The following AGMO variants were observed in gnomAD, a reference collection of about 807,000 sequenced individuals.
AGMO encodes alkylglycerol monooxygenase, also known as glyceryl-ether monooxygenase.
Under a neutral mutation model 60.2 loss-of-function variants are expected in AGMO, and 75 were observed. That is an observed-to-expected ratio of 1.25 (90% CI 1.03 to 1.51). The LOEUF (loss-of-function observed/expected upper bound fraction) is 1.51. Ranked by LOEUF, AGMO falls within the 40% of genes most tolerant of loss-of-function variation. The probability of loss-of-function intolerance (pLI) is 0.00; values close to 1 mark genes in which losing one functional copy is unlikely to be tolerated. For missense variants in AGMO, 763 were observed against 525.5 expected (o/e 1.45, Z -4.42); for synonymous variants, 261 against 177.1 (o/e 1.47, Z -3.76).
chr7:15,241,175 G>A (rs1215834808), intron 12 of AGMO, among the ~76,000 whole-genome samples: 4 of 151,904 alleles, frequency 2.6e-5, no homozygotes, highest in Non-Finnish European at 5.9e-5. Context: ...TATCACTCAA[G>A]TAAAGACTAG....
intron 12 of AGMO, among the ~76,000 whole-genome samples, chr7:15,247,643 A>T (rs1270926433): frequency 2.0e-5 from 3 of 152,158 alleles, no homozygotes; most frequent in Non-Finnish European, 4.4e-5. Context: ...GTTTACAAAA[A>T]TAACAAAAAA....
intron 12 of AGMO, among the ~76,000 whole-genome samples, chr7:15,322,860 A>G (rs1480937988): frequency 1.4e-5 from 2 of 145,970 alleles, no homozygotes; most frequent in East Asian, 2.0e-4. Context: ...AATGTGACAC[A>G]TAACACAAAA....
the AGMO span, among the ~76,000 whole-genome samples, chr7:15,182,406 ACT>A: frequency 2.2e-3 from 330 of 152,102 alleles, no homozygotes; most frequent in African/African-American, 7.3e-3. Flanking sequence ...TCAATAATAC[ACT>A]GTTTTTATTT....
In AGMO at chr7:15,560,025, A is replaced by T. The variant is rs545258715; in HGVS notation, c.257+116T>A. ...AATTTTAAATAATGACATGAACTGAATTTTTTGGGAAAATTTGTGTAAATA... is the reference window on the plus strand; with the variant it reads ...AATTTTAAATAATGACATGAACTGATTTTTTTGGGAAAATTTGTGTAAATA... On this transcript the variant is annotated intron_variant, in intron 2 of 12. Transcript: ENST00000342526. 1.4e-5 allele frequency: 15 copies of T among 1,076,678 alleles called. No individual in the cohort carries two copies. The East Asian group carries it at 4.1e-4, about 29-fold the overall frequency. The allele number at this position is 1,076,678 out of a possible 1,614,324, so 66.7% of individuals were successfully genotyped here.
intron 3 of AGMO, among the ~76,000 whole-genome samples, chr7:15,510,912 TA>T (rs1156617092): frequency 6.7e-6 from 1 of 148,346 alleles, no homozygotes; most frequent in African/African-American, 2.4e-5. Context: ...TATATATGTA[TA>T]AATATATAAT....
the AGMO span, among the ~76,000 whole-genome samples, chr7:15,189,680 T>A: frequency 6.6e-6 from 1 of 152,194 alleles, no homozygotes; most frequent in Non-Finnish European, 1.5e-5. Flanking sequence ...AAGTTGTATA[T>A]TGAATTTCAG....
intron 12 of AGMO, among the ~76,000 whole-genome samples, chr7:15,273,877 T>A (rs1783695413): frequency 6.6e-6 from 1 of 152,214 alleles, no homozygotes; most frequent in East Asian, 1.9e-4. Flanking sequence ...TTGTTCTCTT[T>A]GAAGCAATTG....
intron 3 of AGMO, among the ~76,000 whole-genome samples, chr7:15,472,956 C>T (rs1372889478): frequency 1.3e-5 from 2 of 151,884 alleles, no homozygotes; most frequent in Middle Eastern, 3.2e-3. Flanking sequence ...GCACAGTGAA[C>T]TCTTCATGAT....
intron 3 of AGMO, among the ~76,000 whole-genome samples, chr7:15,543,807 G>C (rs1583669001): frequency 6.6e-6 from 1 of 151,494 alleles, no homozygotes; most frequent in Non-Finnish European, 1.5e-5. Context: ...ATCCACTACT[G>C]TTTGATCTGG....
At chr7:15,403,161 T>TA (rs1256122893) in intron 5 of AGMO, among the ~76,000 whole-genome samples, 5 of 151,976 alleles carry the variant, frequency 3.3e-5, no homozygotes, top group African/African-American at 4.8e-5. Flanking sequence ...AACTTATAAT[T>TA]GGCACAAGCA....
intron 12 of AGMO, among the ~76,000 whole-genome samples, chr7:15,317,887 G>GTA (rs149973646): frequency 1.1e-4 from 14 of 124,762 alleles, no homozygotes; most frequent in Non-Finnish European, 8.5e-5. Flanking sequence ...ATATACACAC[G>GTA]TATATATATA....
chr7:15,217,664 T>A (rs1781781815), intron 12 of AGMO, among the ~76,000 whole-genome samples: 1 of 151,906 alleles, frequency 6.6e-6, no homozygotes, highest in South Asian at 2.1e-4. Flanking sequence ...CAAATAAAAC[T>A]AATCACTCAG....
At chr7:15,457,723 T>C (rs73288487) in intron 3 of AGMO, among the ~76,000 whole-genome samples, 25,507 of 152,038 alleles carry the variant, frequency 0.17, 2,406 homozygotes, top group African/African-American at 0.24. Context: ...GGTAATAATA[T>C]TTAGAATACT....
intron 12 of AGMO, among the ~76,000 whole-genome samples, chr7:15,322,658 AT>A (rs1781192001): frequency 1.2e-5 from 1 of 82,498 alleles, no homozygotes; most frequent in Non-Finnish European, 2.1e-5. Flanking sequence ...AAATATATAT[AT>A]AAATATATAT....
the AGMO span, among the ~76,000 whole-genome samples, chr7:15,143,991 G>T: frequency 1.3e-5 from 2 of 152,142 alleles, no homozygotes; most frequent in Admixed American, 1.3e-4. Context: ...GGTATAAACA[G>T]ATTATCACAA....
At chr7:15,275,154 T>C (rs1783742918) in intron 12 of AGMO, among the ~76,000 whole-genome samples, 1 of 152,114 alleles carries the variant, frequency 6.6e-6, no homozygotes, top group East Asian at 1.9e-4. Flanking sequence ...TAATTTAAGA[T>C]ACTTCTATCT....
At chr7:15,555,543 C>T (rs976287072) in intron 2 of AGMO, among the ~76,000 whole-genome samples, 15 of 151,648 alleles carry the variant, frequency 9.9e-5, no homozygotes, top group South Asian at 4.1e-4. Flanking sequence ...AAATAAAATG[C>T]GTACTACTAG....
At chr7:15,382,015 T>C (rs1324030831) in intron 10 of AGMO, among the ~76,000 whole-genome samples, 1 of 151,740 alleles carries the variant, frequency 6.6e-6, no homozygotes, top group East Asian at 1.9e-4. Flanking sequence ...CACACTGGGG[T>C]CTATTGGAGG....
chr7:15,162,730 T>C, the AGMO span, among the ~76,000 whole-genome samples: 1 of 152,074 alleles, frequency 6.6e-6, no homozygotes, highest in Non-Finnish European at 1.5e-5. Context: ...TAATAAAAGG[T>C]AATCACTATC....
Sources: gnomAD v4.1 joint callset for allele counts (sites outside exome capture counted in the v4.1 genomes callset) on GRCh38, gnomAD v4.1.1 for gene constraint, MANE v1.5 for transcripts, NCBI Gene and HGNC (gene_info 2026-07-23, HGNC 2026-07-21) for gene names.